Variants in MARCO observed in about 807,000 individuals in gnomAD.
The protein encoded by MARCO is macrophage receptor with collagenous structure.
In MARCO, 72 loss-of-function variants were observed where a neutral mutation model predicts 70.0. The ratio of observed to expected loss-of-function variants is 1.03; its 90% confidence interval spans 0.85 to 1.25. The LOEUF (loss-of-function observed/expected upper bound fraction) is 1.25, where lower values mean the gene tolerates loss of function less well. Ranked by LOEUF, MARCO falls within the 50% of genes most tolerant of loss-of-function variation. The pLI, the probability that MARCO is intolerant of heterozygous loss-of-function variation, is 0.00. For synonymous variants in MARCO, 273 were observed against 243.1 expected, an observed-to-expected ratio of 1.12 and a Z score of -1.14; for missense variants, 696 against 659.3, an observed-to-expected ratio of 1.06 and a Z score of -0.61.
chr2:118,983,005 C>T (rs902584180), intron 12 of MARCO, among the ~76,000 whole-genome samples: 2 of 152,224 alleles, frequency 1.3e-5, no homozygotes, highest in African/African-American at 4.8e-5. Flanking sequence ...CTTGCTTGGT[C>T]TAGAAAGTCC....
chr2:118,942,413 C>T lies in MARCO; in HGVS notation c.97+16C>T, dbSNP rs1200734385. ...GAAATCAATGGTAAAGTACGATTCC[C>T]CAATAATGGAAATGACCAGAAATGT... On this transcript the variant is annotated intron_variant, in intron 1 of 16. Coordinates refer to ENST00000327097, the MANE Select transcript of MARCO (RefSeq NM_006770.4). 1 of 1,574,622 alleles carries T rather than the reference C, an allele frequency of 6.4e-7. No homozygotes were observed. The highest frequency in any genetic ancestry group is 8.7e-7 in the Non-Finnish European group (1 of 1,144,560).
At chr2:118,982,071 C>CT (rs1208707236) in intron 10 of MARCO, 85 bp from the exon 11 acceptor site, 6 of 899,364 alleles carry the variant, frequency 6.7e-6, no homozygotes, top group Non-Finnish European at 1.0e-5. Flanking sequence ...ACATGTCTCA[C>CT]TGCTGAAAAC....
intron 1 of MARCO, among the ~76,000 whole-genome samples, chr2:118,961,425 T>C (rs533544292): frequency 1.3e-5 from 2 of 152,344 alleles, no homozygotes; most frequent in Admixed American, 6.5e-5. Flanking sequence ...TGATGTGAGA[T>C]GGTATCTCAT....
chr2:118,987,280 G>T (rs773071081), intron 12 of MARCO, among the ~76,000 whole-genome samples: 2 of 152,164 alleles, frequency 1.3e-5, no homozygotes, highest in Non-Finnish European at 2.9e-5. Flanking sequence ...ACAACATGCA[G>T]CTCTAGAACC....
At chr2:118,947,510 T>A (rs1443529023) in intron 1 of MARCO, among the ~76,000 whole-genome samples, 2 of 152,200 alleles carry the variant, frequency 1.3e-5, no homozygotes, top group African/African-American at 4.8e-5. Context: ...GTATAACGTA[T>A]AATGTGTAGG....
At chr2:118,980,959 T>C (rs920152506) in intron 8 of MARCO, among the ~76,000 whole-genome samples, 1 of 152,218 alleles carries the variant, frequency 6.6e-6, no homozygotes, top group African/African-American at 2.4e-5. Flanking sequence ...ATGTCTGAAG[T>C]GCTGGCAGGA....
At chr2:118,986,083 T>A (rs1229419761) in intron 12 of MARCO, among the ~76,000 whole-genome samples, 1 of 152,330 alleles carries the variant, frequency 6.6e-6, no homozygotes, top group East Asian at 1.9e-4. Flanking sequence ...GTCCAATAAT[T>A]TATTAAATTC....
intron 1 of MARCO, among the ~76,000 whole-genome samples, chr2:118,968,627 A>G (rs1454355719): frequency 6.6e-6 from 1 of 152,150 alleles, no homozygotes. Flanking sequence ...ACATTATTTG[A>G]TAAAATATAT....
chr2:118,987,118 T>C (rs1680532072), intron 12 of MARCO, among the ~76,000 whole-genome samples: 2 of 152,350 alleles, frequency 1.3e-5, no homozygotes, highest in South Asian at 4.1e-4. Flanking sequence ...TTAACACACA[T>C]TTCTTGGGAG....
chr2:118,952,823 A>G (rs545157126), intron 1 of MARCO: 2 of 152,302 alleles, frequency 1.3e-5, no homozygotes, highest in East Asian at 3.9e-4. Flanking sequence ...GTATCCCCAT[A>G]CGATTGCCAC....
chr2:118,985,488 C>A (rs1192485665), intron 12 of MARCO, among the ~76,000 whole-genome samples: 5 of 152,144 alleles, frequency 3.3e-5, no homozygotes, highest in African/African-American at 1.2e-4. Context: ...AGAGGAAATT[C>A]TTCCCATTCT....
At chr2:118,968,761 G>A (rs1353074628) in intron 1 of MARCO, among the ~76,000 whole-genome samples, 1 of 152,160 alleles carries the variant, frequency 6.6e-6, no homozygotes, top group Non-Finnish European at 1.5e-5. Flanking sequence ...CTACTTGTTT[G>A]CCAAATGGGA....
At chr2:118,994,292 A>G in intron 16 of MARCO, 95 bp from the exon 17 acceptor site, 1 of 1,394,490 alleles carries the variant, frequency 7.2e-7, no homozygotes, top group Non-Finnish European at 1.0e-6. Context: ...TCGGCAGTCC[A>G]CCTCAGATGG....
At chr2:118,953,974 A>G (rs1483349035) in intron 1 of MARCO, among the ~76,000 whole-genome samples, 1 of 152,196 alleles carries the variant, frequency 6.6e-6, no homozygotes, top group Non-Finnish European at 1.5e-5. Context: ...TCCATCAGGA[A>G]GGTGGCCAGA....
chr2:118,974,483 C>A (rs1680237755), intron 5 of MARCO, 38 bp from the exon 6 acceptor site: 1 of 1,613,336 alleles, frequency 6.2e-7, no homozygotes, highest in Non-Finnish European at 8.5e-7. Context: ...TTTCCTCCTC[C>A]TTCTCTGGCT....
intron 8 of MARCO, among the ~76,000 whole-genome samples, chr2:118,978,738 G>A (rs1450152991): frequency 6.6e-6 from 1 of 152,204 alleles, no homozygotes; most frequent in Non-Finnish European, 1.5e-5. Flanking sequence ...TTACAAGACA[G>A]TAATAAGGGT....
In MARCO at chr2:118,992,662, T is replaced by A. The variant is rs572207780; in HGVS notation, c.1252+186T>A. Among the ~76,000 whole-genome samples the A allele has an allele frequency of 3.3e-5, 5 of 151,126 alleles. No homozygotes were observed. The East Asian group carries it at 9.8e-4, about 30-fold the overall frequency. On this transcript the variant is annotated intron_variant, in intron 15 of 16. Transcript: ENST00000327097. ...AGCAGCAGTTTCTCTCCCCAGCCAC[T>A]CTCTCCCTTCCTTCCTTCTCTCCCT...
At chr2:118,994,192 A>AC (rs1490222642) in intron 16 of MARCO, among the ~76,000 whole-genome samples, 195 bp from the exon 17 acceptor site, 3 of 100,000 alleles carry the variant, frequency 3.0e-5, no homozygotes, top group African/African-American at 1.0e-4. Context: ...AGTCATTATA[A>AC]AAACAACAAC....
chr2:118,990,569 C>CGGGGGGGGGGTGGGGGGGGGGGG lies in MARCO; in HGVS notation c.1064-20_1064-19insGGGGGGGGGGTGGGGGGGGGGGG. On this transcript the variant is annotated intron_variant, in intron 12 of 16. Coordinates refer to ENST00000327097, the MANE Select transcript of MARCO (RefSeq NM_006770.4). ...AGTTTTATTATCTCCTCCCCCCCCC[C>CGGGGGGGGGGTGGGGGGGGGGGG]TTTTTTGTTTTGATCTTAGGACTTC... The CGGGGGGGGGGTGGGGGGGGGGGG allele has an allele frequency of 7.1e-7, 1 of 1,415,986 alleles. No homozygotes were observed. Among genetic ancestry groups the CGGGGGGGGGGTGGGGGGGGGGGG allele is most frequent in the Non-Finnish European group, 9.7e-7 (1 of 1,028,340 alleles). The allele number at this position is 1,415,986 out of a possible 1,614,324, so 87.7% of individuals were successfully genotyped here.
Sources: gnomAD v4.1 joint callset for allele counts (sites outside exome capture counted in the v4.1 genomes callset) on GRCh38, gnomAD v4.1.1 for gene constraint, MANE v1.5 for transcripts, NCBI Gene and HGNC (gene_info 2026-07-23, HGNC 2026-07-21) for gene names.